GALNT13: variants seen among roughly 807,000 people sequenced by gnomAD.
GALNT13 encodes the protein UDP-GalNAc:polypeptide N-acetylgalactosaminyltransferase 13.
In GALNT13, 28 loss-of-function variants were observed where a neutral mutation model predicts 64.2. The ratio of observed to expected loss-of-function variants is 0.44; its 90% CI spans 0.32 to 0.60. GALNT13 has a LOEUF of 0.60. GALNT13 is among the 20% of genes least tolerant of loss of function. The probability of loss-of-function intolerance (pLI) is 0.05; values close to 1 mark genes in which losing one functional copy is unlikely to be tolerated. For synonymous variants in GALNT13, 214 were observed against 224.6 expected (o/e 0.95, Z 0.42); for missense variants, 577 against 669.8 (o/e 0.86, Z 1.53).
chr2:154,372,070 A>G (rs1697723604), intron 9 of GALNT13, among the ~76,000 whole-genome samples: 1 of 152,148 alleles, frequency 6.6e-6, no homozygotes, highest in South Asian at 2.1e-4. Flanking sequence ...AATGGGAAAT[A>G]AAGGTTACTT....
chr2:153,396,869 G>A, the GALNT13 span, among the ~76,000 whole-genome samples: 3 of 152,214 alleles, frequency 2.0e-5, no homozygotes, highest in East Asian at 5.8e-4. Flanking sequence ...CCAGCCATTT[G>A]TGTTTGTCTG....
At chr2:153,505,532 A>G in the GALNT13 span, among the ~76,000 whole-genome samples, 1 of 152,092 alleles carries the variant, frequency 6.6e-6, no homozygotes, top group African/African-American at 2.4e-5. Flanking sequence ...TAGCACCACT[A>G]TTGCTGAGGT....
intron 9 of GALNT13, among the ~76,000 whole-genome samples, chr2:154,327,005 C>T (rs905662371): frequency 1.3e-5 from 2 of 151,952 alleles, no homozygotes; most frequent in African/African-American, 4.8e-5. Flanking sequence ...GCTTTGTCTC[C>T]CCAACCCAGA....
At chr2:153,863,226 G>C in the GALNT13 span, among the ~76,000 whole-genome samples, 1 of 152,094 alleles carries the variant, frequency 6.6e-6, no homozygotes, top group African/African-American at 2.4e-5. Context: ...GAATGAGATA[G>C]GTGAAGCAAA....
the GALNT13 span, among the ~76,000 whole-genome samples, chr2:153,770,771 C>T: frequency 6.6e-6 from 1 of 152,156 alleles, no homozygotes; most frequent in East Asian, 1.9e-4. Flanking sequence ...AGTCTGAGCT[C>T]CGTGCTCAGC....
intron 3 of GALNT13, among the ~76,000 whole-genome samples, chr2:154,094,031 G>A (rs1047227495): frequency 6.6e-6 from 1 of 151,746 alleles, no homozygotes; most frequent in Non-Finnish European, 1.5e-5. Context: ...TTAGAGTTTG[G>A]CATTTAATTT....
chr2:153,786,208 A>T, the GALNT13 span, among the ~76,000 whole-genome samples: 1 of 152,186 alleles, frequency 6.6e-6, no homozygotes, highest in East Asian at 1.9e-4. Context: ...GGAAACCCAG[A>T]GTCAACCAAC....
At chr2:153,224,050 A>C in the GALNT13 span, among the ~76,000 whole-genome samples, 1 of 152,222 alleles carries the variant, frequency 6.6e-6, no homozygotes, top group African/African-American at 2.4e-5. Flanking sequence ...GTATAGCATA[A>C]GTAAATGTAT....
At chr2:153,809,582 C>T in the GALNT13 span, among the ~76,000 whole-genome samples, 1 of 152,068 alleles carries the variant, frequency 6.6e-6, no homozygotes, top group East Asian at 1.9e-4. Flanking sequence ...AATCATATGC[C>T]CACCCCTAAA....
At chr2:154,320,069 A>G (rs1195635720) in intron 9 of GALNT13, among the ~76,000 whole-genome samples, 2 of 152,080 alleles carry the variant, frequency 1.3e-5, no homozygotes, top group Non-Finnish European at 2.9e-5. Flanking sequence ...ATAACAGACT[A>G]TTATTTCTAT....
chr2:153,194,315 T>C, the GALNT13 span, among the ~76,000 whole-genome samples: 1 of 152,172 alleles, frequency 6.6e-6, no homozygotes, highest in Non-Finnish European at 1.5e-5. Flanking sequence ...TGTCTGAATG[T>C]TTTATTTTGA....
the GALNT13 span, among the ~76,000 whole-genome samples, chr2:153,164,017 CAA>C: frequency 1.2e-3 from 125 of 102,654 alleles, 1 homozygote; most frequent in African/African-American, 2.1e-3. Context: ...GGCTCCGTCT[CAA>C]AAAAAAAAAA....
At chr2:153,081,028 T>C in the GALNT13 span, among the ~76,000 whole-genome samples, 1 of 152,066 alleles carries the variant, frequency 6.6e-6, no homozygotes, top group Non-Finnish European at 1.5e-5. Context: ...AAATTTTAGG[T>C]ATATAAATAT....
chr2:153,889,451 T>C lies in GALNT13; in HGVS notation c.-176-11485T>C, dbSNP rs143562418. 2.0e-3 allele frequency among the ~76,000 whole-genome samples: 300 copies of C among 152,106 alleles called. 1 individual carries two copies. The highest frequency in any genetic ancestry group is 6.8e-3 in the African/African-American group (283 of 41,552). ...ACCCCACACTAACACACTCTAAAAC[T>C]ACTACATGTAGTGGGAGTTACTTTC... On this transcript the variant is annotated intron_variant, in intron 1 of 12. Coordinates refer to ENST00000392825, the MANE Select transcript of GALNT13 (RefSeq NM_052917.4).
At chr2:153,781,404 T>C in the GALNT13 span, among the ~76,000 whole-genome samples, 1 of 152,170 alleles carries the variant, frequency 6.6e-6, no homozygotes, top group Non-Finnish European at 1.5e-5. Flanking sequence ...TACATACTTT[T>C]TGGTGTCACA....
the GALNT13 span, among the ~76,000 whole-genome samples, chr2:153,673,350 C>T: frequency 6.6e-6 from 1 of 152,236 alleles, no homozygotes; most frequent in East Asian, 1.9e-4. Context: ...CAACAAAAAG[C>T]TTATCTACCA....
Position 154,145,070 on chromosome 2 carries a change from CTCTA to C in GALNT13, c.311+4595_311+4598del, listed in dbSNP as rs57991813. Among the ~76,000 whole-genome samples the C allele has an allele frequency of 4.1e-3, 555 of 136,196 alleles. 10 individuals are homozygous for C. In the South Asian group the frequency reaches 0.044, roughly 11 times the overall value. The allele number at this position is 136,196 out of a possible 152,430, so 89.3% of individuals were successfully genotyped here. Reference sequence around the variant, plus strand: ...TAGTTCTCTCTCTCTCTCTCTCTCTCTCTATCTATCTATCTATCTATCTATCTAT... The same window carrying C: ...TAGTTCTCTCTCTCTCTCTCTCTCTCTCTATCTATCTATCTATCTATCTAT... On this transcript the variant is annotated intron_variant, in intron 4 of 12. Coordinates refer to ENST00000392825, the MANE Select transcript of GALNT13 (RefSeq NM_052917.4).
At chr2:153,556,380 A>G in the GALNT13 span, among the ~76,000 whole-genome samples, 9 of 152,370 alleles carry the variant, frequency 5.9e-5, no homozygotes, top group East Asian at 1.7e-3. Flanking sequence ...CTTTAAAATT[A>G]AAAACTGATA....
chr2:153,566,360 T>TTTTTG, the GALNT13 span, among the ~76,000 whole-genome samples: 3 of 140,478 alleles, frequency 2.1e-5, no homozygotes, highest in Admixed American at 2.1e-4. Flanking sequence ...TTTTTTTTTT[T>TTTTTG]TTTTTTTTTT....
Sources: gnomAD v4.1 joint callset for allele counts (sites outside exome capture counted in the v4.1 genomes callset) on GRCh38, gnomAD v4.1.1 for gene constraint, MANE v1.5 for transcripts, NCBI Gene and HGNC (gene_info 2026-07-23, HGNC 2026-07-21) for gene names.